CALD1: variants seen among roughly 807,000 people sequenced by gnomAD.
The protein encoded by CALD1 is caldesmon 1, also known as caldesmon.
CALD1 carries 33 observed loss-of-function variants against 99.9 expected under a neutral mutation model. That is an observed-to-expected ratio of 0.33 (90% CI 0.25 to 0.44). CALD1 has a LOEUF of 0.44. Among genes scored for constraint, CALD1 ranks in the 20% least tolerant of loss-of-function variants. CALD1 has a pLI of 1.00. For missense variants in CALD1, 861 were observed against 962.1 expected (o/e 0.89, Z 1.39); for synonymous variants, 310 against 325.0 (o/e 0.95, Z 0.50).
At chr7:134,797,781 G>A (rs951784225) in intron 1 of CALD1, among the ~76,000 whole-genome samples, 3 of 152,022 alleles carry the variant, frequency 2.0e-5, no homozygotes, top group South Asian at 2.1e-4. Flanking sequence ...TAGTAGAGAC[G>A]GGGTTTCACC....
chr7:134,784,821 T>A (rs1797245349), intron 1 of CALD1, among the ~76,000 whole-genome samples: 1 of 151,916 alleles, frequency 6.6e-6, no homozygotes, highest in African/African-American at 2.4e-5. Context: ...ATTTACTCCA[T>A]CCCTTTCCAC....
At chr7:134,951,606 T>G (rs1247855682) in intron 9 of CALD1, among the ~76,000 whole-genome samples, 1 of 152,208 alleles carries the variant, frequency 6.6e-6, no homozygotes, top group Non-Finnish European at 1.5e-5. Flanking sequence ...GAAAGGGTCC[T>G]TTTCCAGGAT....
chr7:134,897,213 A>T (rs1355770672), intron 3 of CALD1, among the ~76,000 whole-genome samples: 2 of 152,106 alleles, frequency 1.3e-5, no homozygotes, highest in Non-Finnish European at 2.9e-5. Flanking sequence ...TAAGAACATC[A>T]AAAAGGACAA....
chr7:134,767,195 C>CTGTGTGTGTGTGTGTG (rs34026828), intron 1 of CALD1, among the ~76,000 whole-genome samples: 1 of 148,886 alleles, frequency 6.7e-6, no homozygotes, highest in African/African-American at 2.5e-5. Context: ...CTCTCTGTCT[C>CTGTGTGTGTGTGTGTG]TGTGTGTGTG....
In CALD1 at chr7:134,831,692, T is replaced by C. The variant is rs564153607; in HGVS notation, c.-129-12192T>C. 3.8e-3 allele frequency among the ~76,000 whole-genome samples: 584 copies of C among 152,330 alleles called. 2 individuals carry two copies. The highest frequency in any genetic ancestry group is 0.013 in the African/African-American group (555 of 41,568). On this transcript the variant is annotated intron_variant, in intron 1 of 14. Transcript: ENST00000361675. ...TTCTATAATAAAATGTATATCTATA[T>C]AGCACTCAGAGATGGCATAACTTCT...
chr7:134,793,831 T>C (rs749896839), intron 1 of CALD1, among the ~76,000 whole-genome samples: 4 of 150,954 alleles, frequency 2.6e-5, no homozygotes, highest in Non-Finnish European at 4.4e-5. Context: ...TTTTTTTTTT[T>C]AAACCTTTTA....
chr7:134,958,407 A>ATTT (rs5887717), intron 11 of CALD1, 117 bp downstream of exon 11: 105 of 529,546 alleles, frequency 2.0e-4, no homozygotes, highest in South Asian at 3.4e-4. Context: ...GAGTGTTAGA[A>ATTT]TTTTTTTTTT....
intron 3 of CALD1, among the ~76,000 whole-genome samples, chr7:134,871,463 T>C (rs1801072294): frequency 6.6e-6 from 1 of 152,226 alleles, no homozygotes; most frequent in African/African-American, 2.4e-5. Context: ...AAGCTCTATT[T>C]TGGGTACTGA....
chr7:134,757,816 T>C (rs1163346006), intron 1 of CALD1, among the ~76,000 whole-genome samples: 1 of 151,576 alleles, frequency 6.6e-6, no homozygotes, highest in Non-Finnish European at 1.5e-5. Flanking sequence ...GAGGCAGAGG[T>C]TGCAGTGAGC....
In CALD1 at chr7:134,968,525, T is replaced by C; in HGVS notation, c.*180T>C. 3 of 721,400 alleles carry C rather than the reference T, an allele frequency of 4.2e-6. No homozygotes were observed. The highest frequency in any genetic ancestry group is 5.4e-5 in the East Asian group (2 of 37,114). The allele number at this position is 721,400 out of a possible 1,614,324, so 44.7% of individuals were successfully genotyped here. A position where few individuals can be genotyped will look rare whatever the true frequency, so the allele number is the denominator to read the frequency against. On this transcript the variant is annotated 3_prime_UTR_variant, in exon 15 of 15. Coordinates refer to ENST00000361675, the MANE Select transcript of CALD1 (RefSeq NM_033138.4). ...ATTTAATAATCACAGTCTAGAGATG[T>C]TCATGGTAAAAGTACTGCCTTTGCA...
chr7:134,822,731 A>G (rs1412049647), intron 1 of CALD1, among the ~76,000 whole-genome samples: 1 of 152,114 alleles, frequency 6.6e-6, no homozygotes, highest in African/African-American at 2.4e-5. Flanking sequence ...TTCCTCCCCA[A>G]ATCTTCAGAC....
chr7:134,843,534 T>A (rs1799734034), intron 1 of CALD1, among the ~76,000 whole-genome samples: 3 of 152,218 alleles, frequency 2.0e-5, no homozygotes, highest in Non-Finnish European at 4.4e-5. Context: ...CTTATAACAT[T>A]TTCTTCCTTC....
intron 1 of CALD1, among the ~76,000 whole-genome samples, chr7:134,774,325 C>T (rs1039741008): frequency 6.6e-6 from 1 of 152,144 alleles, no homozygotes; most frequent in Admixed American, 6.5e-5. Flanking sequence ...CCTTCAATTT[C>T]CTGTCTGTGG....
intron 5 of CALD1, 59 bp downstream of exon 5, chr7:134,934,136 C>T (rs1204931300): frequency 2.6e-6 from 4 of 1,555,974 alleles, no homozygotes; most frequent in Non-Finnish European, 3.5e-6. Flanking sequence ...AAATGTAATG[C>T]ACATCTGATT....
At chr7:134,934,114 G>T (rs1324264741) in intron 5 of CALD1, 37 bp downstream of exon 5, 1 of 1,574,142 alleles carries the variant, frequency 6.4e-7, no homozygotes, top group Non-Finnish European at 8.6e-7. Flanking sequence ...TGTGATGCCT[G>T]TGACTTGTGA....
chr7:134,746,325 C>A (rs1035391304), intron 1 of CALD1, among the ~76,000 whole-genome samples: 2 of 152,192 alleles, frequency 1.3e-5, no homozygotes, highest in East Asian at 3.8e-4. Flanking sequence ...ATCCAGAAAG[C>A]AGACCTGCAC....
intron 1 of CALD1, among the ~76,000 whole-genome samples, chr7:134,769,087 AC>A (rs1215828215): frequency 1.6e-4 from 24 of 150,644 alleles, no homozygotes; most frequent in Admixed American, 8.0e-4. Context: ...TTATAATTAT[AC>A]ATATATTTAT....
intron 1 of CALD1, among the ~76,000 whole-genome samples, chr7:134,820,106 G>C (rs936718692): frequency 6.6e-6 from 1 of 152,138 alleles, no homozygotes; most frequent in Non-Finnish European, 1.5e-5. Flanking sequence ...TCAGATCTAA[G>C]AGAGAATTTT....
the CALD1 span, among the ~76,000 whole-genome samples, chr7:134,720,719 A>T: frequency 1.3e-5 from 2 of 152,236 alleles, no homozygotes; most frequent in African/African-American, 4.8e-5. Context: ...GAAATGTAGC[A>T]GTTGGTCAAT....
Sources: allele counts gnomAD v4.1 joint callset (sites outside exome capture counted in the v4.1 genomes callset), GRCh38; gene constraint gnomAD v4.1.1; transcripts MANE v1.5; gene names NCBI Gene and HGNC (gene_info 2026-07-23, HGNC 2026-07-21).